The following UNC5D variants were observed in gnomAD, a reference collection of about 807,000 sequenced individuals.
UNC5D encodes netrin receptor UNC5D.
In UNC5D, 39 loss-of-function variants were observed where a neutral mutation model predicts 105.4. That is an observed-to-expected ratio of 0.37 (90% CI 0.29 to 0.48). The LOEUF (loss-of-function observed/expected upper bound fraction) is 0.48, where lower values mean the gene tolerates loss of function less well. Ranked by LOEUF, UNC5D falls within the 20% of genes least tolerant of loss-of-function variation. The probability of loss-of-function intolerance (pLI) is 0.98; values close to 1 mark genes in which losing one functional copy is unlikely to be tolerated. For missense variants in UNC5D, 991 were observed against 1,202.4 expected (o/e 0.82, Z 2.60); for synonymous variants, 452 against 450.4 (o/e 1.00, Z -0.04).
At chr8:35,438,807 A>G (rs1807201528) in intron 1 of UNC5D, among the ~76,000 whole-genome samples, 1 of 152,058 alleles carries the variant, frequency 6.6e-6, no homozygotes. Flanking sequence ...AATTTAGGAT[A>G]TCAACTTATC....
chr8:35,755,361 A>G (rs1055856815), intron 13 of UNC5D, among the ~76,000 whole-genome samples: 1 of 152,126 alleles, frequency 6.6e-6, no homozygotes, highest in African/African-American at 2.4e-5. Context: ...TTTAGAATCT[A>G]ATTTCAAAGG....
chr8:35,579,941 C>A (rs1441630649), intron 3 of UNC5D, among the ~76,000 whole-genome samples: 3 of 152,136 alleles, frequency 2.0e-5, no homozygotes, highest in Non-Finnish European at 2.9e-5. Flanking sequence ...ATGGCCTGAA[C>A]TTCTGCAGGC....
At chr8:35,407,160 C>T (rs1283948471) in intron 1 of UNC5D, among the ~76,000 whole-genome samples, 1 of 152,046 alleles carries the variant, frequency 6.6e-6, no homozygotes, top group African/African-American at 2.4e-5. Context: ...ACATGCTATA[C>T]AGGTTTGTAA....
At chr8:35,744,633 G>C (rs1829916773) in intron 11 of UNC5D, among the ~76,000 whole-genome samples, 1 of 152,108 alleles carries the variant, frequency 6.6e-6, no homozygotes, top group Non-Finnish European at 1.5e-5. Context: ...AAAGATTCCA[G>C]ATTTGATCAG....
At chr8:35,286,704 G>A (rs1163086761) in intron 1 of UNC5D, among the ~76,000 whole-genome samples, 2 of 152,156 alleles carry the variant, frequency 1.3e-5, no homozygotes, top group Non-Finnish European at 2.9e-5. Context: ...CATGGAAAGA[G>A]CATCTGGCCA....
chr8:35,725,427 C>G (rs190838417), intron 9 of UNC5D, among the ~76,000 whole-genome samples: 7 of 152,230 alleles, frequency 4.6e-5, no homozygotes, highest in Admixed American at 2.0e-4. Flanking sequence ...ATTATATATA[C>G]TTTTTCCCTT....
At chr8:35,328,823 A>G (rs1810378964) in intron 1 of UNC5D, among the ~76,000 whole-genome samples, 1 of 152,158 alleles carries the variant, frequency 6.6e-6, no homozygotes, top group South Asian at 2.1e-4. Flanking sequence ...TAGCGTTGAG[A>G]TGAACTGTTT....
At chr8:35,422,072 C>T (rs1376885628) in intron 1 of UNC5D, among the ~76,000 whole-genome samples, 1 of 152,136 alleles carries the variant, frequency 6.6e-6, no homozygotes, top group African/African-American at 2.4e-5. Flanking sequence ...TGTGGTAAAC[C>T]ATGAACGGTA....
chr8:35,748,859 T>TC (rs200458570), intron 12 of UNC5D, among the ~76,000 whole-genome samples, 164 bp downstream of exon 12: 2,335 of 151,400 alleles, frequency 0.015, 24 homozygotes, highest in African/African-American at 0.03. Context: ...TTGTTTTTCT[T>TC]CCCCCCCCAT....
rs1235538674 is a variant in UNC5D at position 35,750,673 on chromosome 8, A to G, written c.2027A>G (p.Tyr676Cys). 1 of 1,613,992 alleles carries G rather than the reference A, an allele frequency of 6.2e-7. No homozygotes were observed. Among genetic ancestry groups the G allele is most frequent in the Admixed American group, 1.7e-5 (1 of 59,998 alleles). ...GTGCTCCTGGACAGCTTTGGGACCTATGCGCTCACTGGAGAGCCAATCACA... is the reference window on the plus strand; with the variant it reads ...GTGCTCCTGGACAGCTTTGGGACCTGTGCGCTCACTGGAGAGCCAATCACA... ...CHVLLDSFGT[Y>C]ALTGEPITDC... Residue 676 changes from tyrosine (Y) to cysteine (C), a missense_variant, in exon 13 of 17, where the codon TAT becomes TGT. Coordinates refer to ENST00000404895, the MANE Select transcript of UNC5D (RefSeq NM_080872.4).
chr8:35,453,850 T>C (rs999533599), intron 1 of UNC5D, among the ~76,000 whole-genome samples: 7 of 152,140 alleles, frequency 4.6e-5, no homozygotes, highest in African/African-American at 1.2e-4. Context: ...AGCTGGAGTA[T>C]AAAATTAACC....
intron 1 of UNC5D, among the ~76,000 whole-genome samples, chr8:35,458,735 G>A (rs1291735731): frequency 6.6e-6 from 1 of 152,104 alleles, no homozygotes; most frequent in Non-Finnish European, 1.5e-5. Flanking sequence ...AGGCCATTGT[G>A]CCTTATGCAA....
At chr8:35,386,525 G>A (rs1052085608) in intron 1 of UNC5D, among the ~76,000 whole-genome samples, 10 of 152,026 alleles carry the variant, frequency 6.6e-5, no homozygotes, top group Admixed American at 6.6e-4. Context: ...AGCCTGAGGA[G>A]GGAAAAAAAA....
At chr8:35,721,339 C>T (rs1828570902) in intron 8 of UNC5D, 1 of 689,686 alleles carries the variant, frequency 1.4e-6, no homozygotes. Context: ...ACATCCAACG[C>T]ACCTCTAGAA....
At chr8:35,668,211 T>A (rs905878471) in intron 4 of UNC5D, among the ~76,000 whole-genome samples, 5 of 152,148 alleles carry the variant, frequency 3.3e-5, no homozygotes, top group Non-Finnish European at 5.9e-5. Context: ...TTTTTCCTCC[T>A]TTATATGATC....
At chr8:35,751,710 A>G (rs767949597) in intron 13 of UNC5D, among the ~76,000 whole-genome samples, 1 of 152,178 alleles carries the variant, frequency 6.6e-6, no homozygotes, top group Non-Finnish European at 1.5e-5. Flanking sequence ...GTGGTCAGCA[A>G]TGTAAGAGAG....
In UNC5D at chr8:35,697,225, T is replaced by C. The variant is rs1299395834; in HGVS notation, c.1085-8704T>C. Among the ~76,000 whole-genome samples, 9 of 151,948 alleles carry C rather than the reference T, an allele frequency of 5.9e-5. No individual in the cohort carries two copies. The East Asian group carries it at 1.5e-3, about 26-fold the overall frequency. On this transcript the variant is annotated intron_variant, in intron 7 of 16. Coordinates refer to ENST00000404895, the MANE Select transcript of UNC5D (RefSeq NM_080872.4). ...ATAAAGTATGAATATACATTGCAGC[T>C]ATATATTTACCAGCTTCCAGATATA...
intron 1 of UNC5D, among the ~76,000 whole-genome samples, chr8:35,401,046 C>A (rs1804425361): frequency 6.6e-6 from 1 of 152,128 alleles, no homozygotes; most frequent in African/African-American, 2.4e-5. Context: ...TAAACATCAA[C>A]ATTATATAAT....
intron 1 of UNC5D, among the ~76,000 whole-genome samples, chr8:35,544,851 C>T (rs1452935294): frequency 6.6e-6 from 1 of 152,172 alleles, no homozygotes; most frequent in Non-Finnish European, 1.5e-5. Context: ...GATCTGCCCA[C>T]CTCTGCCTCC....
Sources: gnomAD v4.1 joint callset for allele counts (sites outside exome capture counted in the v4.1 genomes callset) on GRCh38, gnomAD v4.1.1 for gene constraint, MANE v1.5 for transcripts, NCBI Gene and HGNC (gene_info 2026-07-23, HGNC 2026-07-21) for gene names.